WDR37: variants seen among roughly 807,000 people sequenced by gnomAD.
WDR37 encodes WD repeat-containing protein 37.
In WDR37, 19 loss-of-function variants were observed where a neutral mutation model predicts 62.9. That is an observed-to-expected ratio of 0.30 (90% CI 0.21 to 0.44). The LOEUF (loss-of-function observed/expected upper bound fraction) is 0.44. Ranked by LOEUF, WDR37 falls within the 20% of genes least tolerant of loss-of-function variation. The pLI is 1.00. For missense variants in WDR37, 474 were observed against 657.6 expected (o/e 0.72, Z 3.05); for synonymous variants, 250 against 260.9 (o/e 0.96, Z 0.40).
chr10:1,126,483 G>A (rs1428592859), intron 13 of WDR37, among the ~76,000 whole-genome samples: 1 of 152,190 alleles, frequency 6.6e-6, no homozygotes, highest in South Asian at 2.1e-4. Context: ...CCCCCCAGAG[G>A]ATCCCTCTTT....
intron 2 of WDR37, 58 bp from the exon 3 acceptor site, chr10:1,077,849 A>T: frequency 7.7e-7 from 1 of 1,294,466 alleles, no homozygotes; most frequent in Admixed American, 2.0e-5. Context: ...GAAAAAGCAT[A>T]TTTGTACTTA....
At chr10:1,070,096 C>G (rs1202474053) in intron 1 of WDR37, among the ~76,000 whole-genome samples, 1 of 151,732 alleles carries the variant, frequency 6.6e-6, no homozygotes. Flanking sequence ...GTCCCAGTTA[C>G]TCTGGAGGCT....
At chr10:1,096,381 G>C (rs1834577505) in intron 9 of WDR37, 135 bp downstream of exon 9, 1 of 913,120 alleles carries the variant, frequency 1.1e-6, no homozygotes, top group Non-Finnish European at 1.7e-6. Flanking sequence ...CCCCCGGTAT[G>C]GTTGAATTTG....
intron 11 of WDR37, among the ~76,000 whole-genome samples, chr10:1,109,999 G>A (rs1187907820): frequency 1.3e-5 from 2 of 152,184 alleles, no homozygotes; most frequent in East Asian, 1.9e-4. Flanking sequence ...CCTGAACCAC[G>A]GGGGTGAGGT....
At chr10:1,074,634 C>T (rs927047080) in intron 2 of WDR37, 5 of 790,988 alleles carry the variant, frequency 6.3e-6, no homozygotes, top group African/African-American at 1.8e-5. Context: ...CTGCCGCACG[C>T]GTTTGGCATG....
intron 1 of WDR37, among the ~76,000 whole-genome samples, chr10:1,060,070 C>A (rs894454677): frequency 3.3e-5 from 5 of 152,216 alleles, no homozygotes. Flanking sequence ...AACTCCTGAC[C>A]TCAGGTGATC....
intron 3 of WDR37, among the ~76,000 whole-genome samples, chr10:1,079,597 T>C (rs1833967934): frequency 6.6e-6 from 1 of 151,776 alleles, no homozygotes; most frequent in Non-Finnish European, 1.5e-5. Flanking sequence ...TGCTGTGGCG[T>C]GATCTCGGCT....
chr10:1,116,967 G>A (rs545027518), intron 11 of WDR37, among the ~76,000 whole-genome samples: 5 of 152,088 alleles, frequency 3.3e-5, no homozygotes, highest in African/African-American at 4.8e-5. Context: ...CAGAGCTGCC[G>A]TTCCATCCTC....
intron 1 of WDR37, among the ~76,000 whole-genome samples, chr10:1,067,764 T>G (rs1833598264): frequency 6.6e-6 from 1 of 152,166 alleles, no homozygotes; most frequent in African/African-American, 2.4e-5. Flanking sequence ...ATGCCTGCAC[T>G]TGCAGGTATA....
chr10:1,068,716 C>T (rs1474471751), intron 1 of WDR37, among the ~76,000 whole-genome samples: 1 of 152,146 alleles, frequency 6.6e-6, no homozygotes, highest in Non-Finnish European at 1.5e-5. Context: ...AAAAACTAAA[C>T]ATGATTAAAC....
intron 8 of WDR37, among the ~76,000 whole-genome samples, chr10:1,095,072 A>G (rs1834526299): frequency 6.7e-6 from 1 of 150,002 alleles, no homozygotes. Context: ...ACGTGAGGTA[A>G]TGGGCATGGA....
chr10:1,092,649 C>T (rs78029387), intron 7 of WDR37, among the ~76,000 whole-genome samples: 6,696 of 151,488 alleles, frequency 0.044, 211 homozygotes, highest in Non-Finnish European at 0.069. Context: ...TGAGCCAGTG[C>T]GTCTGGCCCG....
chr10:1,111,687 A>G (rs530092279), intron 11 of WDR37, among the ~76,000 whole-genome samples: 2 of 152,154 alleles, frequency 1.3e-5, no homozygotes, highest in Non-Finnish European at 2.9e-5. Flanking sequence ...TTTTACCATG[A>G]TAGTACTTAG....
rs775638158 is a variant in WDR37 at position 1,086,288 on chromosome 10, C to G, written c.535C>G (p.His179Asp). The G allele has an allele frequency of 1.2e-6, 2 of 1,614,034 alleles. No individual in the cohort carries two copies. Among genetic ancestry groups the G allele is most frequent in the South Asian group, 1.1e-5 (1 of 91,062 alleles). Residue 179 changes from histidine (H) to aspartate (D), a missense_variant and splice_region_variant, in exon 7 of 14, where the codon CAC becomes GAC. By Grantham distance (81) the His-to-Asp change is moderately conservative (BLOSUM62 -1). Coordinates refer to ENST00000263150, the MANE Select transcript of WDR37 (RefSeq NM_014023.4). ...ACTTCTTCATTTCCATCTTGCAGATCACACGGCTTTGCTGTGGAGCATAGA... is the reference window on the plus strand; with the variant it reads ...ACTTCTTCATTTCCATCTTGCAGATGACACGGCTTTGCTGTGGAGCATAGA... ...PVVLGTASAD[H>D]TALLWSIETG...
intron 11 of WDR37, among the ~76,000 whole-genome samples, chr10:1,123,254 T>C (rs1835642434): frequency 1.3e-5 from 2 of 152,378 alleles, no homozygotes; most frequent in South Asian, 4.1e-4. Flanking sequence ...AAGATAAAGA[T>C]TGTGGTTAAA....
chr10:1,059,263 C>T (rs1833298738), intron 1 of WDR37, among the ~76,000 whole-genome samples: 1 of 152,150 alleles, frequency 6.6e-6, no homozygotes, highest in Non-Finnish European at 1.5e-5. Context: ...GTAGTCCCAG[C>T]TACTCAGGAG....
At chr10:1,124,878 A>G in intron 12 of WDR37, 32 bp from the exon 13 acceptor site, 1 of 1,611,742 alleles carries the variant, frequency 6.2e-7, no homozygotes, top group Non-Finnish European at 8.5e-7. Flanking sequence ...TCACTGTTTC[A>G]TGCACAACCC....
intron 2 of WDR37, among the ~76,000 whole-genome samples, chr10:1,072,937 C>T (rs1003091769): frequency 3.3e-5 from 5 of 152,118 alleles, no homozygotes; most frequent in Non-Finnish European, 5.9e-5. Flanking sequence ...AGTATCATAT[C>T]CTTTTAATGA....
chr10:1,075,273 C>CT lies in WDR37; in HGVS notation c.139-2616dup, dbSNP rs61550443. On this transcript the variant is annotated intron_variant, in intron 2 of 13. Coordinates refer to ENST00000263150, the MANE Select transcript of WDR37 (RefSeq NM_014023.4). ...TCAGCTTTCTTTTCCATAGCAATTCCTTTTTTTTTTTTTTTTTTAAATTTA... is the reference window on the plus strand; with the variant it reads ...TCAGCTTTCTTTTCCATAGCAATTCCTTTTTTTTTTTTTTTTTTTAAATTTA... Among the ~76,000 whole-genome samples the CT allele has an allele frequency of 8.8e-3, 1,222 of 139,256 alleles. 11 individuals carry two copies. Among genetic ancestry groups the CT allele is most frequent in the African/African-American group, 0.016 (612 of 37,148 alleles). 91.4% of individuals were successfully genotyped at this position (139,256 alleles called of 152,430 possible).
Sources: allele counts gnomAD v4.1 joint callset (sites outside exome capture counted in the v4.1 genomes callset), GRCh38; gene constraint gnomAD v4.1.1; transcripts MANE v1.5; gene names NCBI Gene and HGNC (gene_info 2026-07-23, HGNC 2026-07-21).